Variants in HTT observed in about 807,000 individuals in gnomAD.
HTT encodes huntington disease protein.
Under a neutral mutation model 362.3 loss-of-function variants are expected in HTT, and 104 were observed. The ratio of observed to expected loss-of-function variants is 0.29; its 90% CI spans 0.24 to 0.34. HTT has a LOEUF of 0.34. Ranked by LOEUF, HTT falls within the 10% of genes least tolerant of loss-of-function variation. HTT has a pLI of 1.00. For missense variants in HTT, 3,301 were observed against 3,928.6 expected, an observed-to-expected ratio of 0.84 and a Z score of 4.27; for synonymous variants, 1,577 against 1,548.7, an observed-to-expected ratio of 1.02 and a Z score of -0.43.
At chr4:3,153,720 G>A (rs1349202536) in intron 26 of HTT, among the ~76,000 whole-genome samples, 1 of 151,984 alleles carries the variant, frequency 6.6e-6, no homozygotes, top group African/African-American at 2.4e-5. Context: ...CTTGGAGTTC[G>A]AGACCAGCCT....
chr4:3,165,694 T>C (rs1055655089), intron 29 of HTT, among the ~76,000 whole-genome samples: 14 of 152,026 alleles, frequency 9.2e-5, no homozygotes, highest in African/African-American at 2.7e-4. Context: ...TTCTTCTGCT[T>C]GATTGAATCG....
chr4:3,199,668 G>C lies in HTT; in HGVS notation c.5369-64G>C, dbSNP rs1310324474. ...TGTTTCATTTTTATGTAAAATCTTC[G>C]CGTAGCCATGTGGCACTGGACCGAG... On this transcript the variant is annotated intron_variant, in intron 40 of 66. Transcript: ENST00000355072. 2.1e-6 allele frequency: 3 copies of C among 1,413,004 alleles called. No homozygotes were observed. In the East Asian group the frequency reaches 6.9e-5, roughly 32 times the overall value. 87.5% of individuals were successfully genotyped at this position (1,413,004 alleles called of 1,614,324 possible).
intron 4 of HTT, 117 bp downstream of exon 4, chr4:3,104,000 C>G: frequency 4.6e-6 from 3 of 649,850 alleles, no homozygotes; most frequent in Non-Finnish European, 5.4e-6. Flanking sequence ...TATTTTGATA[C>G]AGGTATACAA....
chr4:3,223,210 G>T (rs1322099355), intron 54 of HTT, among the ~76,000 whole-genome samples, 196 bp from the exon 55 acceptor site: 1 of 152,224 alleles, frequency 6.6e-6, no homozygotes, highest in Non-Finnish European at 1.5e-5. Context: ...ATGGGCTTTT[G>T]CCCATCAGAT....
At chr4:3,142,276 G>A (rs1295565187) in intron 22 of HTT, among the ~76,000 whole-genome samples, 1 of 152,074 alleles carries the variant, frequency 6.6e-6, no homozygotes, top group East Asian at 1.9e-4. Context: ...AAATCAGATT[G>A]GCTTTATTCA....
At chr4:3,202,650 C>G (rs1719637385) in intron 41 of HTT, among the ~76,000 whole-genome samples, 2 of 152,148 alleles carry the variant, frequency 1.3e-5, no homozygotes, top group Non-Finnish European at 2.9e-5. Context: ...ACATCCTGCC[C>G]CTCCCCAGGT....
chr4:3,191,715 G>A (rs1421894890), intron 40 of HTT, among the ~76,000 whole-genome samples: 1 of 152,172 alleles, frequency 6.6e-6, no homozygotes, highest in African/African-American at 2.4e-5. Context: ...CCAAAATATA[G>A]AGGCTTCAGA....
chr4:3,201,176 T>C (rs1196875644), intron 41 of HTT, among the ~76,000 whole-genome samples: 1 of 152,238 alleles, frequency 6.6e-6, no homozygotes, highest in Non-Finnish European at 1.5e-5. Flanking sequence ...CGTGACCCCC[T>C]CTGATCCAGT....
At chr4:3,223,930 G>A in intron 55 of HTT, 62 bp from the exon 56 acceptor site, 2 of 1,579,548 alleles carry the variant, frequency 1.3e-6, no homozygotes, top group Non-Finnish European at 1.7e-6. Flanking sequence ...AAGTTCTGGT[G>A]TTTTTCACTT....
chr4:3,155,567 T>C (rs912349795), intron 27 of HTT, among the ~76,000 whole-genome samples: 5 of 151,446 alleles, frequency 3.3e-5, no homozygotes, highest in African/African-American at 7.3e-5. Flanking sequence ...ATATCTGTAA[T>C]ATACAACATG....
intron 46 of HTT, 145 bp from the exon 47 acceptor site, chr4:3,209,682 C>A: frequency 1.1e-6 from 1 of 891,726 alleles, no homozygotes; most frequent in Non-Finnish European, 1.7e-6. Flanking sequence ...GTGTGGTGAG[C>A]CGTATAGCCA....
intron 38 of HTT, 102 bp downstream of exon 38, chr4:3,186,821 G>T: frequency 9.5e-6 from 10 of 1,057,540 alleles, no homozygotes; most frequent in South Asian, 1.6e-5. Flanking sequence ...GTTTGGGTAG[G>T]GCTTCTTGAG....
rs1027423446 is a variant in HTT, at chr4:3,206,312, C to A, written c.5719-184C>A. Among the ~76,000 whole-genome samples, 1 of 152,240 alleles carries A rather than the reference C, an allele frequency of 6.6e-6. No homozygotes were observed. Among genetic ancestry groups the A allele is most frequent in the African/African-American group, 2.4e-5 (1 of 41,462 alleles). On this transcript the variant is annotated intron_variant, in intron 42 of 66. Transcript: ENST00000355072. This position sits in a 1 kb window ranked among gnomAD's most constrained non-coding sequence, Gnocchi z 4.6. Reference sequence around the variant, plus strand: ...TGCCGCAGTGCGTGGTTGGAGGTGACGGCCTTGGTAAATCGAGTTTCCTAC... The same window carrying A: ...TGCCGCAGTGCGTGGTTGGAGGTGAAGGCCTTGGTAAATCGAGTTTCCTAC...
chr4:3,191,251 G>A (rs1021582944), intron 40 of HTT, among the ~76,000 whole-genome samples: 8 of 151,220 alleles, frequency 5.3e-5, no homozygotes, highest in African/African-American at 1.2e-4. Flanking sequence ...TCGGCTCACC[G>A]CAACCTCTGC....
At chr4:3,208,009 G>C (rs545855695) in intron 45 of HTT, among the ~76,000 whole-genome samples, 7 of 152,292 alleles carry the variant, frequency 4.6e-5, no homozygotes, top group African/African-American at 1.7e-4. Context: ...TTATCATGCT[G>C]TGTACTTTGA....
In HTT at chr4:3,233,334, A is replaced by G; in HGVS notation, c.8437A>G (p.Asn2813Asp). Residue 2813 changes from asparagine to aspartate, a missense_variant, in exon 61 of 67, where the codon AAC becomes GAC. Physicochemically the swap from Asn to Asp is conservative, Grantham distance 23. This residue lies in a region of HTT where 753 missense variants were observed against 1,021.3 expected (regional missense o/e 0.74). Transcript: ENST00000355072. ...IPVISDYLLS[N>D]LKGIAHCVNI... ...GGTCATCAGCGACTATCTCCTCTCC[A>G]ACCTGAAAGGGATCGCCCAGTGAGT... The G allele has an allele frequency of 6.2e-7, 1 of 1,602,912 alleles. No individual in the cohort carries two copies. Among genetic ancestry groups the G allele is most frequent in the Non-Finnish European group, 8.5e-7 (1 of 1,171,522 alleles).
At chr4:3,214,823 G>C (rs921556340) in intron 50 of HTT, among the ~76,000 whole-genome samples, 1 of 148,460 alleles carries the variant, frequency 6.7e-6, no homozygotes, top group Non-Finnish European at 1.5e-5. Flanking sequence ...AGTATCTTGA[G>C]CCGTCTCATA....
At chr4:3,163,083 A>G (rs970087682) in intron 29 of HTT, among the ~76,000 whole-genome samples, 1 of 152,200 alleles carries the variant, frequency 6.6e-6, no homozygotes, top group African/African-American at 2.4e-5. Flanking sequence ...AGCTCTTACT[A>G]TGTTGAGATA....
At chr4:3,081,746 G>C (rs992060666) in intron 1 of HTT, among the ~76,000 whole-genome samples, 1 of 151,210 alleles carries the variant, frequency 6.6e-6, no homozygotes, top group Non-Finnish European at 1.5e-5. Context: ...TAGTAGAGAC[G>C]GGGTTTCTCC....
Sources: allele counts gnomAD v4.1 joint callset (sites outside exome capture counted in the v4.1 genomes callset), GRCh38; gene constraint gnomAD v4.1.1; regional missense constraint gnomAD v4.1.1; non-coding constraint Gnocchi (gnomAD v3.1); transcripts MANE v1.5; gene names NCBI Gene and HGNC (gene_info 2026-07-23, HGNC 2026-07-21).